The following FBXO28 variants were observed in gnomAD, a reference collection of about 807,000 sequenced individuals.
FBXO28 encodes F-box only protein 28.
Under a neutral mutation model 38.1 loss-of-function variants are expected in FBXO28, and 8 were observed. The observed-to-expected ratio is 0.21, with a 90% CI of 0.12 to 0.38. The LOEUF is 0.38. FBXO28 is among the 10% of genes least tolerant of loss of function. The probability of loss-of-function intolerance (pLI) is 1.00; values close to 1 mark genes in which losing one functional copy is unlikely to be tolerated. For synonymous variants in FBXO28, 168 were observed against 173.8 expected (o/e 0.97, Z 0.26); for missense variants, 345 against 460.6 (o/e 0.75, Z 2.30).
At chr1:224,150,656 G>A (rs974500310) in intron 3 of FBXO28, among the ~76,000 whole-genome samples, 16 of 152,108 alleles carry the variant, frequency 1.1e-4, no homozygotes, top group African/African-American at 3.6e-4. Context: ...ACTGACCTTG[G>A]GGCCACTATC....
intron 3 of FBXO28, among the ~76,000 whole-genome samples, chr1:224,141,136 CAA>C (rs1163571657): frequency 6.7e-6 from 1 of 149,866 alleles, no homozygotes; most frequent in African/African-American, 2.5e-5. Context: ...GAGCCGAGAT[CAA>C]ACCACTGCAC....
chr1:224,141,550 T>A (rs980622330), intron 3 of FBXO28, among the ~76,000 whole-genome samples: 1 of 152,194 alleles, frequency 6.6e-6, no homozygotes, highest in East Asian at 1.9e-4. Context: ...TAGGTCACTT[T>A]GTCATGTGAA....
At chr1:224,115,932 G>T (rs1451147207) in intron 1 of FBXO28, among the ~76,000 whole-genome samples, 1 of 152,072 alleles carries the variant, frequency 6.6e-6, no homozygotes, top group South Asian at 2.1e-4. Context: ...AGTGGGGAGG[G>T]GGGAACCAGC....
At chr1:224,139,407 C>T (rs1187972224) in intron 3 of FBXO28, among the ~76,000 whole-genome samples, 2 of 151,744 alleles carry the variant, frequency 1.3e-5, no homozygotes, top group Non-Finnish European at 1.5e-5. Flanking sequence ...GCAAATCTAG[C>T]AGTTATTTAC....
intron 3 of FBXO28, among the ~76,000 whole-genome samples, chr1:224,144,026 C>G (rs1270186084): frequency 1.3e-5 from 2 of 151,734 alleles, no homozygotes; most frequent in African/African-American, 4.8e-5. Context: ...TGGCATGCAC[C>G]TGTAATCCCA....
At chr1:224,117,742 T>C (rs1458701846) in intron 1 of FBXO28, among the ~76,000 whole-genome samples, 1 of 151,578 alleles carries the variant, frequency 6.6e-6, no homozygotes, top group Non-Finnish European at 1.5e-5. Context: ...GTGCGGTGGC[T>C]CACGCCTGTA....
rs773368684 is a variant in FBXO28, at chr1:224,114,405, C to T, written c.267+9C>T. 1.5e-5 allele frequency: 23 copies of T among 1,555,894 alleles called. No homozygotes were observed. The highest frequency in any genetic ancestry group is 2.7e-5 in the African/African-American group (2 of 72,898). On this transcript the variant is annotated intron_variant, in intron 1 of 4. Coordinates refer to ENST00000366862, the MANE Select transcript of FBXO28 (RefSeq NM_015176.4). ...TTAGCCAGCTCCGCCTGGTGAGGCC[C>T]CCGCAGAACTCCTGCCTCCCTCTCC...
intron 3 of FBXO28, among the ~76,000 whole-genome samples, chr1:224,145,814 A>C: frequency 6.6e-6 from 1 of 152,164 alleles, no homozygotes; most frequent in Non-Finnish European, 1.5e-5. Flanking sequence ...CACACCTGTA[A>C]TCCCAGCACT....
At chr1:224,143,235 AG>A (rs1302445557) in intron 3 of FBXO28, among the ~76,000 whole-genome samples, 2 of 150,954 alleles carry the variant, frequency 1.3e-5, no homozygotes, top group African/African-American at 4.9e-5. Context: ...AAAAAAAAAA[AG>A]AGAAGGAGAA....
At chr1:224,142,217 TGGC>T in intron 3 of FBXO28, among the ~76,000 whole-genome samples, 1 of 151,904 alleles carries the variant, frequency 6.6e-6, no homozygotes, top group African/African-American at 2.4e-5. Flanking sequence ...CCAGGCGTGG[TGGC>T]GTGCACCTGT....
chr1:224,134,012 A>ATATT, intron 2 of FBXO28, 62 bp from the exon 3 acceptor site: 2 of 1,256,698 alleles, frequency 1.6e-6, no homozygotes, highest in Non-Finnish European at 2.1e-6. Context: ...TGATTGCTTA[A>ATATT]TATTTTAGTC....
intron 3 of FBXO28, among the ~76,000 whole-genome samples, chr1:224,139,765 C>CATGCATAA (rs1553290710): frequency 1.1e-3 from 2 of 1,776 alleles, no homozygotes; most frequent in African/African-American, 1.5e-3. Context: ...TGCATGCATG[C>CATGCATAA]ATACATACAT....
In FBXO28 at chr1:224,159,179, A is replaced by G. The variant is rs891131768; in HGVS notation, c.*1433A>G. The G allele has an allele frequency of 6.6e-6, 1 of 152,572 alleles. No individual in the cohort carries two copies. Among genetic ancestry groups the G allele is most frequent in the Non-Finnish European group, 1.5e-5 (1 of 68,022 alleles). The allele number at this position is 152,572 out of a possible 1,614,324, so 9.5% of individuals were successfully genotyped here. A position where few individuals can be genotyped will look rare whatever the true frequency, so the allele number is the denominator to read the frequency against. On this transcript the variant is annotated 3_prime_UTR_variant, in exon 5 of 5. Transcript: ENST00000366862. The stretch of plus-strand genomic sequence containing the variant: ...CTGTTTCCTTGGGCTTCAGTTATTT[A>G]AAGTAAATTTAGGTGTAATATAGAA...
At chr1:224,156,995 C>T in intron 4 of FBXO28, among the ~76,000 whole-genome samples, 1 of 57,164 alleles carries the variant, frequency 1.7e-5, no homozygotes. Context: ...GAGTGAGACT[C>T]TGTCTCAAAA....
intron 3 of FBXO28, among the ~76,000 whole-genome samples, chr1:224,136,584 T>C (rs151112721): frequency 0.13 from 19,009 of 148,232 alleles, 1,346 homozygotes; most frequent in South Asian, 0.17. Context: ...AAAAACTAGC[T>C]GGGCATGGTG....
chr1:224,125,048 G>A (rs115520967), intron 1 of FBXO28, among the ~76,000 whole-genome samples: 1,813 of 152,132 alleles, frequency 0.012, 13 homozygotes, highest in South Asian at 0.017. Context: ...TGAACATACA[G>A]GAAAACTACC....
At chr1:224,122,541 C>T (rs1417948735) in intron 1 of FBXO28, among the ~76,000 whole-genome samples, 1 of 150,990 alleles carries the variant, frequency 6.6e-6, no homozygotes, top group African/African-American at 2.4e-5. Context: ...AAGGATTGTT[C>T]TCTAATCTAG....
chr1:224,148,945 A>G (rs1037883208), intron 3 of FBXO28, among the ~76,000 whole-genome samples: 6 of 152,118 alleles, frequency 3.9e-5, no homozygotes, highest in African/African-American at 9.7e-5. Flanking sequence ...TTGCTTATAC[A>G]TTGAACTTAT....
At chr1:224,122,598 T>A (rs73124430) in intron 1 of FBXO28, among the ~76,000 whole-genome samples, 5,940 of 152,182 alleles carry the variant, frequency 0.039, 344 homozygotes, top group African/African-American at 0.13. Flanking sequence ...TGACTTTTTT[T>A]TTTTTACAGC....
Sources: gnomAD v4.1 joint callset for allele counts (sites outside exome capture counted in the v4.1 genomes callset) on GRCh38, gnomAD v4.1.1 for gene constraint, MANE v1.5 for transcripts, NCBI Gene and HGNC (gene_info 2026-07-23, HGNC 2026-07-21) for gene names.